Variants in MACROD2 observed in about 807,000 individuals in gnomAD.
The protein encoded by MACROD2 is mono-ADP ribosylhydrolase 2, also known as ADP-ribose glycohydrolase MACROD2.
MACROD2 carries 36 observed loss-of-function variants against 70.4 expected under a neutral mutation model. The ratio of observed to expected loss-of-function variants is 0.51; its 90% CI spans 0.39 to 0.68. MACROD2 has a LOEUF of 0.68. Among genes scored for constraint, MACROD2 ranks in the 30% least tolerant of loss-of-function variants. The pLI is 0.00. For synonymous variants in MACROD2, 172 were observed against 178.8 expected (o/e 0.96, Z 0.30); for missense variants, 496 against 538.4 (o/e 0.92, Z 0.78).
At position 14,233,716 on chromosome 20, in the gene MACROD2, AAAG is replaced by A. The variant is rs1168539065; in HGVS notation, c.271+147991_271+147993del. Among the ~76,000 whole-genome samples the A allele has an allele frequency of 5.4e-5, 8 of 149,008 alleles. 2 individuals are homozygous for A. The highest frequency in any genetic ancestry group is 1.3e-4 in the Admixed American group (2 of 15,008). On this transcript the variant is annotated intron_variant, in intron 3 of 17. Transcript: ENST00000684519. The stretch of plus-strand genomic sequence containing the variant: ...CGTCTCACAAAAAAAAAAAAAAAGA[AAAG>A]AAAAGAAAAGAAATGAACTAACAAG...
intron 3 of MACROD2, among the ~76,000 whole-genome samples, chr20:14,256,028 G>C (rs1252690457): frequency 6.6e-6 from 1 of 151,610 alleles, no homozygotes; most frequent in Non-Finnish European, 1.5e-5. Flanking sequence ...CATTTTGTCT[G>C]TCCCCCAAGC....
At chr20:16,031,203 A>G (rs1420289897) in intron 15 of MACROD2, among the ~76,000 whole-genome samples, 1 of 152,144 alleles carries the variant, frequency 6.6e-6, no homozygotes, top group Non-Finnish European at 1.5e-5. Context: ...TAAAATATAA[A>G]AACAGATGAC....
chr20:14,563,499 A>C (rs1335916624), intron 4 of MACROD2, among the ~76,000 whole-genome samples: 1 of 151,990 alleles, frequency 6.6e-6, no homozygotes. Flanking sequence ...GAAACTGGAC[A>C]TCAAGGAGTT....
At chr20:15,302,387 C>T (rs6043195) in intron 6 of MACROD2, among the ~76,000 whole-genome samples, 2 of 150,556 alleles carry the variant, frequency 1.3e-5, no homozygotes, top group Non-Finnish European at 1.5e-5. Flanking sequence ...CACACATACA[C>T]ACATACAGAT....
chr20:16,014,480 A>G (rs911787656), intron 15 of MACROD2, among the ~76,000 whole-genome samples: 6 of 152,208 alleles, frequency 3.9e-5, no homozygotes, highest in African/African-American at 1.2e-4. Flanking sequence ...GAAAAGTCCT[A>G]TGTGGATTTG....
intron 5 of MACROD2, among the ~76,000 whole-genome samples, chr20:15,029,507 C>A (rs553104729): frequency 6.6e-6 from 1 of 152,094 alleles, no homozygotes; most frequent in East Asian, 1.9e-4. Flanking sequence ...ACAACTTTTC[C>A]GATGAGGCTG....
intron 15 of MACROD2, among the ~76,000 whole-genome samples, chr20:16,038,217 C>G (rs753487833): frequency 9.2e-5 from 14 of 151,500 alleles, no homozygotes; most frequent in Non-Finnish European, 1.8e-4. Flanking sequence ...AATGATTAGA[C>G]TGAGTGATAG....
chr20:15,642,171 A>C (rs6131683), intron 8 of MACROD2, among the ~76,000 whole-genome samples: 76,502 of 152,046 alleles, frequency 0.5, 21,737 homozygotes, highest in Non-Finnish European at 0.64. Context: ...CCTGTGAGCC[A>C]CAAAATAATA....
chr20:15,643,493 GT>G (rs1469107510), intron 8 of MACROD2, among the ~76,000 whole-genome samples: 1 of 152,156 alleles, frequency 6.6e-6, no homozygotes, highest in Admixed American at 6.5e-5. Context: ...TTCAGTCTCT[GT>G]CAGATTGACT....
Position 14,623,078 on chromosome 20 carries a change from C to G in MACROD2, c.302-61765C>G, listed in dbSNP as rs910943542. 15 of 152,112 alleles carry G rather than the reference C, an allele frequency of 9.9e-5. No homozygotes were observed. The East Asian group carries it at 2.9e-3, about 29-fold the overall frequency. 9.4% of individuals were successfully genotyped at this position (152,112 alleles called of 1,614,324 possible). A position where few individuals can be genotyped will look rare whatever the true frequency, so the allele number is the denominator to read the frequency against. On this transcript the variant is annotated intron_variant, in intron 4 of 17. Transcript: ENST00000684519. ...ACTCAACAACATAGATAGTACAAAG[C>G]CACAGCCCCTTGTTTTGATGAGGAA... is the stretch of plus-strand genomic sequence containing the variant.
At chr20:14,471,995 G>T (rs1057232592) in intron 3 of MACROD2, among the ~76,000 whole-genome samples, 1 of 152,078 alleles carries the variant, frequency 6.6e-6, no homozygotes, top group Non-Finnish European at 1.5e-5. Context: ...ATTTGCAAAG[G>T]AGACAACTGT....
chr20:14,392,744 T>C lies in MACROD2; in HGVS notation c.272-100735T>C, dbSNP rs1017085532. Among the ~76,000 whole-genome samples, 16 of 152,156 alleles carry C rather than the reference T, an allele frequency of 1.1e-4. 1 individual carries two copies. Among genetic ancestry groups the C allele is most frequent in the Non-Finnish European group, 2.2e-4 (15 of 68,026 alleles). On this transcript the variant is annotated intron_variant, in intron 3 of 17. Transcript: ENST00000684519. ...AATTTCATTCTCCCCAGCTCTGTAG[T>C]CCCTTAGCTCTATTATGTGGCTCCC...
At chr20:14,084,924 A>G (rs1306612687) in intron 2 of MACROD2, among the ~76,000 whole-genome samples, 3 of 151,432 alleles carry the variant, frequency 2.0e-5, no homozygotes, top group Admixed American at 6.6e-5. Flanking sequence ...GAAGTTCAAG[A>G]CCATCCTGGC....
At chr20:15,505,290 A>G (rs1490642982) in intron 8 of MACROD2, among the ~76,000 whole-genome samples, 5 of 152,216 alleles carry the variant, frequency 3.3e-5, no homozygotes, top group African/African-American at 4.8e-5. Flanking sequence ...CCTGCTAGTC[A>G]GGGAATACGG....
At chr20:14,170,490 G>A (rs1355061245) in intron 3 of MACROD2, among the ~76,000 whole-genome samples, 2 of 151,686 alleles carry the variant, frequency 1.3e-5, no homozygotes, top group Non-Finnish European at 3.0e-5. Context: ...TTTGTCATAG[G>A]TAGCTTTTAT....
At chr20:14,064,322 G>A (rs980948448) in intron 2 of MACROD2, among the ~76,000 whole-genome samples, 1 of 152,010 alleles carries the variant, frequency 6.6e-6, no homozygotes, top group African/African-American at 2.4e-5. Context: ...CCACATGATG[G>A]TGTCTCCTAA....
intron 13 of MACROD2, among the ~76,000 whole-genome samples, chr20:15,985,603 C>T (rs2066469103): frequency 6.6e-6 from 1 of 152,206 alleles, no homozygotes; most frequent in African/African-American, 2.4e-5. Context: ...TCTGGCAAGG[C>T]GTTCCACTGG....
chr20:14,436,197 G>C (rs74401084), intron 3 of MACROD2, among the ~76,000 whole-genome samples: 2,661 of 151,770 alleles, frequency 0.018, 70 homozygotes, highest in African/African-American at 0.06. Context: ...TTTATCTGTT[G>C]ACAAGTGATA....
chr20:15,425,525 G>T (rs2046286051), intron 6 of MACROD2, among the ~76,000 whole-genome samples: 2 of 152,148 alleles, frequency 1.3e-5, no homozygotes, highest in Admixed American at 1.3e-4. Context: ...GGTTTTGCTT[G>T]CAAATAATGG....
Sources: allele counts gnomAD v4.1 joint callset (sites outside exome capture counted in the v4.1 genomes callset), GRCh38; gene constraint gnomAD v4.1.1; transcripts MANE v1.5; gene names NCBI Gene and HGNC (gene_info 2026-07-23, HGNC 2026-07-21).